The following ZMYM2 variants were observed in gnomAD, a reference collection of about 807,000 sequenced individuals.
The protein encoded by ZMYM2 is zinc finger MYM-type protein 2.
In ZMYM2, 56 loss-of-function variants were observed where a neutral mutation model predicts 162.8. That is an observed-to-expected ratio of 0.34 (90% CI 0.28 to 0.43). ZMYM2 has a LOEUF of 0.43. Among genes scored for constraint, ZMYM2 ranks in the 20% least tolerant of loss-of-function variants. ZMYM2 has a pLI of 1.00. For synonymous variants in ZMYM2, 510 were observed against 541.6 expected (o/e 0.94, Z 0.81); for missense variants, 1,275 against 1,621.8 (o/e 0.79, Z 3.67).
At chr13:19,932,582 G>A in the ZMYM2 span, among the ~76,000 whole-genome samples, 1 of 151,948 alleles carries the variant, frequency 6.6e-6, no homozygotes, top group African/African-American at 2.4e-5. Flanking sequence ...GGAGGTGGAG[G>A]TTGCAGTGAG....
At chr13:19,888,374 A>T in the ZMYM2 span, among the ~76,000 whole-genome samples, 1 of 151,404 alleles carries the variant, frequency 6.6e-6, no homozygotes, top group African/African-American at 2.4e-5. Context: ...TTTCTGATAG[A>T]GACTGGGTCT....
chr13:20,051,521 A>T lies in ZMYM2; in HGVS notation c.2381A>T (p.His794Leu). Residue 794 changes from histidine (H) to leucine (L), a missense_variant, in exon 13 of 25, where the codon CAT (histidine) becomes CTT (leucine). His to Leu is a moderately conservative substitution (Grantham distance 99). Coordinates refer to ENST00000610343, the MANE Select transcript of ZMYM2 (RefSeq NM_197968.4). Reference sequence around the variant, plus strand: ...GAAATGAAACATTTCTGTGATCAACATTGCTTACTGCGTTTCTACTGTCAA... The same window carrying T: ...GAAATGAAACATTTCTGTGATCAACTTTGCTTACTGCGTTTCTACTGTCAA... ...RGEMKHFCDQ[H>L]CLLRFYCQQN... 6.2e-7 allele frequency: 1 copy of T among 1,613,640 alleles called. No homozygotes were observed. The highest frequency in any genetic ancestry group is 8.5e-7 in the Non-Finnish European group (1 of 1,179,640).
the ZMYM2 span, among the ~76,000 whole-genome samples, chr13:19,897,830 C>T: frequency 3.3e-5 from 5 of 152,072 alleles, no homozygotes; most frequent in East Asian, 1.9e-4. Flanking sequence ...ATATATGCAT[C>T]GAACATCAGA....
the ZMYM2 span, among the ~76,000 whole-genome samples, chr13:19,904,574 T>A: frequency 1.2e-4 from 18 of 152,092 alleles, no homozygotes; most frequent in Admixed American, 7.2e-4. Flanking sequence ...AAATTTTTTT[T>A]AATAATAATA....
chr13:19,890,729 A>G, the ZMYM2 span, among the ~76,000 whole-genome samples: 117 of 151,676 alleles, frequency 7.7e-4, 3 homozygotes, highest in African/African-American at 2.7e-3. Flanking sequence ...AAAATTAGCC[A>G]GGCATGGTGG....
chr13:20,066,869 G>A lies in ZMYM2; in HGVS notation c.3151G>A (p.Val1051Ile). 1 of 1,602,556 alleles carries A rather than the reference G, an allele frequency of 6.2e-7. No homozygotes were observed. Among genetic ancestry groups the A allele is most frequent in the Middle Eastern group, 1.7e-4 (1 of 6,026 alleles). ...CTAATAGGGAGCCAAGAGAAAGGCT[G>A]TATCAGGATACCAGTCTCATGATGA... ...SKKKGAKRKAVSGYQSHDDSS... is the reference protein window; with the variant it reads ...SKKKGAKRKAISGYQSHDDSS... The change falls in exon 20 of 25, where the codon GTA becomes ATA. Residue 1051 changes from valine to isoleucine, a missense_variant. By Grantham distance (29) the Val-to-Ile change is conservative. Transcript: ENST00000610343.
At chr13:20,053,243 C>A (rs909801046) in intron 14 of ZMYM2, among the ~76,000 whole-genome samples, 1 of 152,190 alleles carries the variant, frequency 6.6e-6, no homozygotes, top group Non-Finnish European at 1.5e-5. Context: ...AGTCTCTGGG[C>A]TAGTTCTTGT....
intron 7 of ZMYM2, among the ~76,000 whole-genome samples, chr13:20,021,213 G>A (rs931640087): frequency 1.3e-5 from 2 of 151,912 alleles, no homozygotes; most frequent in Non-Finnish European, 2.9e-5. Context: ...CTGACCTCAT[G>A]ATCCGCCTGC....
At chr13:20,026,415 T>C in intron 7 of ZMYM2, 197 bp from the exon 8 acceptor site, 1 of 453,856 alleles carries the variant, frequency 2.2e-6, no homozygotes, top group East Asian at 3.5e-5. Context: ...ACTTAGCTGA[T>C]GATCATTGCT....
At chr13:19,971,180 A>G (rs1956280034) in intron 2 of ZMYM2, among the ~76,000 whole-genome samples, 1 of 149,780 alleles carries the variant, frequency 6.7e-6, no homozygotes, top group Admixed American at 6.8e-5. Flanking sequence ...CTGAAAAGCC[A>G]CGTAAGAAGT....
the ZMYM2 span, among the ~76,000 whole-genome samples, chr13:19,907,721 C>T: frequency 8.4e-6 from 1 of 118,816 alleles, no homozygotes; most frequent in African/African-American, 3.1e-5. Flanking sequence ...GAGATTGTGC[C>T]ACTGCACTCC....
At chr13:19,921,658 C>T in the ZMYM2 span, among the ~76,000 whole-genome samples, 1 of 152,072 alleles carries the variant, frequency 6.6e-6, no homozygotes, top group Admixed American at 6.6e-5. Flanking sequence ...AAATTATAAA[C>T]ATATTCTTCA....
At chr13:20,023,316 AT>A (rs1325006136) in intron 7 of ZMYM2, among the ~76,000 whole-genome samples, 2 of 152,200 alleles carry the variant, frequency 1.3e-5, no homozygotes, top group African/African-American at 4.8e-5. Flanking sequence ...CATTTCCTAA[AT>A]TAGATTTGCA....
intron 2 of ZMYM2, among the ~76,000 whole-genome samples, chr13:19,963,762 C>G (rs921468066): frequency 6.6e-6 from 1 of 151,996 alleles, no homozygotes; most frequent in Non-Finnish European, 1.5e-5. Context: ...TTTTTTGGAT[C>G]AAGCTTTACA....
chr13:19,920,069 A>G, the ZMYM2 span, among the ~76,000 whole-genome samples: 1 of 152,154 alleles, frequency 6.6e-6, no homozygotes, highest in African/African-American at 2.4e-5. Flanking sequence ...TTGGTCTCCC[A>G]ATGTGCTGGG....
At chr13:20,025,322 A>G (rs570852640) in intron 7 of ZMYM2, 121 of 194,136 alleles carry the variant, frequency 6.2e-4, no homozygotes, top group African/African-American at 2.6e-3. Context: ...ATTTAACTTG[A>G]CTATGACAGA....
the ZMYM2 span, among the ~76,000 whole-genome samples, chr13:19,944,731 G>A: frequency 7.9e-5 from 12 of 152,028 alleles, no homozygotes; most frequent in South Asian, 2.1e-4. Context: ...GGGCAGTGGC[G>A]CGATCTCAGC....
the ZMYM2 span, among the ~76,000 whole-genome samples, chr13:19,915,686 T>C: frequency 6.6e-6 from 1 of 151,578 alleles, no homozygotes; most frequent in Admixed American, 6.6e-5. Context: ...GTATTTTTAG[T>C]AGAGACAGAG....
chr13:19,871,342 C>T, the ZMYM2 span, among the ~76,000 whole-genome samples: 1 of 151,980 alleles, frequency 6.6e-6, no homozygotes, highest in African/African-American at 2.4e-5. Flanking sequence ...CATTACTAGG[C>T]AAAAGAACGA....
Sources: gnomAD v4.1 joint callset for allele counts (sites outside exome capture counted in the v4.1 genomes callset) on GRCh38, gnomAD v4.1.1 for gene constraint, MANE v1.5 for transcripts, NCBI Gene and HGNC (gene_info 2026-07-23, HGNC 2026-07-21) for gene names.